The following EXOC4 variants were observed in gnomAD, a reference collection of about 807,000 sequenced individuals.
EXOC4 encodes SEC8-like 1.
A neutral mutation model predicts 107.2 loss-of-function variants in EXOC4; 71 were observed. That is an observed-to-expected ratio of 0.66 (90% CI 0.55 to 0.81). The LOEUF (loss-of-function observed/expected upper bound fraction) is 0.81. Ranked by LOEUF, EXOC4 falls within the 30% of genes least tolerant of loss-of-function variation. The pLI, the probability that EXOC4 is intolerant of heterozygous loss-of-function variation, is 0.00. For missense variants in EXOC4, 1,108 were observed against 1,189.6 expected (o/e 0.93, Z 1.01); for synonymous variants, 456 against 441.2 (o/e 1.03, Z -0.42).
Position 133,275,676 on chromosome 7 carries a change from C to T in EXOC4, c.276+505C>T, listed in dbSNP as rs541325932. Among the ~76,000 whole-genome samples, 144 of 152,224 alleles carry T rather than the reference C, an allele frequency of 9.5e-4. 1 individual carries two copies. The South Asian group carries it at 0.013, about 14-fold the overall frequency. On this transcript the variant is annotated intron_variant, in intron 2 of 17. Transcript: ENST00000253861. ...TTTATCTGAATCCAAACCACAGAAG[C>T]GAGAATGTCTCCTACATTGAAGTTG...
the EXOC4 span, among the ~76,000 whole-genome samples, chr7:134,083,958 T>C: frequency 6.6e-6 from 1 of 152,218 alleles, no homozygotes; most frequent in African/African-American, 2.4e-5. Context: ...TCTCTAGAAG[T>C]GTCTTGCAAA....
intron 7 of EXOC4, among the ~76,000 whole-genome samples, chr7:133,453,647 A>T (rs762612936): frequency 7.2e-5 from 11 of 152,122 alleles, no homozygotes; most frequent in Non-Finnish European, 1.0e-4. Flanking sequence ...AATCATAAAC[A>T]TATAACTTTA....
At chr7:133,971,507 A>G (rs1349375077) in intron 14 of EXOC4, among the ~76,000 whole-genome samples, 1 of 151,328 alleles carries the variant, frequency 6.6e-6, no homozygotes, top group Non-Finnish European at 1.5e-5. Context: ...TTTTTCTTAT[A>G]GAAGATTGTC....
the EXOC4 span, among the ~76,000 whole-genome samples, chr7:134,074,328 C>CTTTT: frequency 6.6e-6 from 1 of 152,176 alleles, no homozygotes; most frequent in Non-Finnish European, 1.5e-5. Flanking sequence ...TTCTTCTCCC[C>CTTTT]TTTCTTTTCT....
intron 10 of EXOC4, among the ~76,000 whole-genome samples, chr7:133,667,808 G>GTC (rs1333217557): frequency 6.6e-6 from 1 of 152,166 alleles, no homozygotes; most frequent in Non-Finnish European, 1.5e-5. Context: ...TGTTCCAACA[G>GTC]TCACTCAGTT....
intron 7 of EXOC4, among the ~76,000 whole-genome samples, chr7:133,449,633 A>T (rs567340367): frequency 1.3e-4 from 20 of 151,526 alleles, no homozygotes; most frequent in African/African-American, 4.9e-4. Flanking sequence ...TATCTAGATA[A>T]GTGTTATTTC....
intron 11 of EXOC4, among the ~76,000 whole-genome samples, chr7:133,830,996 G>A (rs988643374): frequency 9.2e-5 from 14 of 151,532 alleles, no homozygotes; most frequent in African/African-American, 2.4e-4. Flanking sequence ...ACAGAGTCTC[G>A]CTCTATCGCC....
At chr7:134,077,309 A>G in the EXOC4 span, among the ~76,000 whole-genome samples, 315 of 152,318 alleles carry the variant, frequency 2.1e-3, no homozygotes, top group Middle Eastern at 0.01. Context: ...CCACCTTTTT[A>G]TTCTATCAGG....
At chr7:134,062,011 T>G (rs4731997) in intron 17 of EXOC4, among the ~76,000 whole-genome samples, 98,496 of 152,038 alleles carry the variant, frequency 0.65, 32,343 homozygotes, top group East Asian at 0.77. Context: ...TTATCTCCCC[T>G]TCTACCAAGT....
intron 2 of EXOC4, 56 bp from the exon 3 acceptor site, chr7:133,288,866 A>G (rs1794339860): frequency 6.9e-7 from 1 of 1,456,190 alleles, no homozygotes; most frequent in South Asian, 1.2e-5. Flanking sequence ...ACCAGATTAT[A>G]GGTTTAGACT....
chr7:133,900,431 A>G (rs1799425686), intron 12 of EXOC4, among the ~76,000 whole-genome samples: 1 of 152,200 alleles, frequency 6.6e-6, no homozygotes, highest in Non-Finnish European at 1.5e-5. Flanking sequence ...AAGAGCACGA[A>G]CAAGTGATAA....
intron 14 of EXOC4, among the ~76,000 whole-genome samples, chr7:133,996,136 A>C (rs192608514): frequency 3.0e-4 from 45 of 152,350 alleles, no homozygotes; most frequent in Admixed American, 2.4e-3. Context: ...TCACTTGCTA[A>C]AGAATAATAA....
At chr7:133,937,741 G>A in intron 13 of EXOC4, 150 bp from the exon 14 acceptor site, 2 of 698,802 alleles carry the variant, frequency 2.9e-6, no homozygotes. Flanking sequence ...GCATGTGATA[G>A]TTGTCTCACA....
intron 7 of EXOC4, among the ~76,000 whole-genome samples, chr7:133,466,358 G>A (rs1396553083): frequency 6.6e-6 from 1 of 152,018 alleles, no homozygotes; most frequent in African/African-American, 2.4e-5. Context: ...GAAGTCTAAA[G>A]AATACCAAAA....
chr7:133,640,759 A>G (rs1585048451), intron 10 of EXOC4, among the ~76,000 whole-genome samples: 1 of 152,228 alleles, frequency 6.6e-6, no homozygotes, highest in East Asian at 1.9e-4. Context: ...ATAATTGGCA[A>G]TTAACATGAG....
chr7:133,890,727 T>C (rs1799188197), intron 11 of EXOC4, among the ~76,000 whole-genome samples: 2 of 30,496 alleles, frequency 6.6e-5, no homozygotes, highest in East Asian at 9.3e-4. Context: ...AAAGATCAGA[T>C]AGTTGTAGGT....
chr7:133,672,555 G>C (rs1793971683), intron 10 of EXOC4, among the ~76,000 whole-genome samples: 1 of 152,082 alleles, frequency 6.6e-6, no homozygotes, highest in East Asian at 1.9e-4. Context: ...CCAGTGTTTT[G>C]TAAGGTTGTG....
intron 11 of EXOC4, among the ~76,000 whole-genome samples, chr7:133,888,818 T>A (rs1212118438): frequency 6.6e-6 from 1 of 152,212 alleles, no homozygotes; most frequent in Non-Finnish European, 1.5e-5. Flanking sequence ...GCTCCTTCTT[T>A]ATTTATTTCA....
intron 3 of EXOC4, among the ~76,000 whole-genome samples, chr7:133,291,383 AT>A (rs372299756): frequency 2.6e-3 from 340 of 132,424 alleles, no homozygotes; most frequent in Middle Eastern, 7.8e-3. Context: ...TTGTTATGTG[AT>A]TTTTTTTTTT....
Sources: gnomAD v4.1 joint callset for allele counts (sites outside exome capture counted in the v4.1 genomes callset) on GRCh38, gnomAD v4.1.1 for gene constraint, MANE v1.5 for transcripts, NCBI Gene and HGNC (gene_info 2026-07-23, HGNC 2026-07-21) for gene names.